Variants in MGAT4C observed in about 807,000 individuals in gnomAD.
The protein encoded by MGAT4C is MGAT4 family member C.
Under a neutral mutation model 40.1 loss-of-function variants are expected in MGAT4C, and 19 were observed. That is an observed-to-expected ratio of 0.47 (90% CI 0.33 to 0.70). MGAT4C has a LOEUF of 0.70. Among genes scored for constraint, MGAT4C ranks in the 30% least tolerant of loss-of-function variants. MGAT4C has a pLI of 0.02. For synonymous variants in MGAT4C, 181 were observed against 187.1 expected, an observed-to-expected ratio of 0.97 and a Z score of 0.27; for missense variants, 491 against 563.2, an observed-to-expected ratio of 0.87 and a Z score of 1.30.
At chr12:86,711,789 CCAGACACA>C (rs1950560277) in intron 2 of MGAT4C, among the ~76,000 whole-genome samples, 1 of 151,966 alleles carries the variant, frequency 6.6e-6, no homozygotes. Context: ...TGTATCAGAG[CCAGACACA>C]CAATTTGAAT....
intron 2 of MGAT4C, among the ~76,000 whole-genome samples, chr12:86,491,058 C>A (rs188555832): frequency 1.3e-5 from 2 of 152,022 alleles, no homozygotes; most frequent in Non-Finnish European, 2.9e-5. Flanking sequence ...CTGCACCAAG[C>A]GGACCTCATA....
chr12:86,195,962 A>T (rs919484699), intron 1 of MGAT4C, among the ~76,000 whole-genome samples: 3 of 152,220 alleles, frequency 2.0e-5, no homozygotes, highest in African/African-American at 4.8e-5. Flanking sequence ...AGACATGTAT[A>T]TAGAAATATA....
At chr12:86,573,658 T>A (rs1401681943) in intron 2 of MGAT4C, among the ~76,000 whole-genome samples, 1 of 152,028 alleles carries the variant, frequency 6.6e-6, no homozygotes, top group African/African-American at 2.4e-5. Flanking sequence ...AAAGAGCTCC[T>A]TGGCAATTAG....
rs1247710685 is a variant in MGAT4C, at chr12:86,510,542, T to C, written c.-228-75277A>G. Among the ~76,000 whole-genome samples, 5 of 152,246 alleles carry C rather than the reference T, an allele frequency of 3.3e-5. No homozygotes were observed. In the East Asian group the frequency reaches 7.7e-4, roughly 24 times the overall value. On this transcript the variant is annotated intron_variant, in intron 2 of 7. Coordinates refer to the MGAT4C transcript ENST00000548651. ...AATGCTCCAATTAAAAGACACAGAC[T>C]GGCAAATTGGATGAAGAGTCAAGAC... is the stretch of plus-strand genomic sequence containing the variant.
At chr12:86,102,981 G>T (rs760944557) in intron 1 of MGAT4C, among the ~76,000 whole-genome samples, 1 of 152,054 alleles carries the variant, frequency 6.6e-6, no homozygotes, top group Non-Finnish European at 1.5e-5. Context: ...ATATAATAAA[G>T]TATTTATAAA....
At position 86,585,777 on chromosome 12, in the gene MGAT4C, T is replaced by A. The variant is rs138777798; in HGVS notation, c.-229+141432A>T. Reference sequence around the variant, plus strand: ...TCTTTTTTTTTTTCATTCCCCCACTTTATTGAAACAATTTTCACTCAACAG... The same window carrying A: ...TCTTTTTTTTTTTCATTCCCCCACTATATTGAAACAATTTTCACTCAACAG... On this transcript the variant is annotated intron_variant, in intron 2 of 7. Coordinates refer to the MGAT4C transcript ENST00000548651. Among the ~76,000 whole-genome samples, 434 of 150,498 alleles carry A rather than the reference T, an allele frequency of 2.9e-3. 2 individuals are homozygous for A. Among genetic ancestry groups the A allele is most frequent in the African/African-American group, 0.01 (415 of 41,206 alleles).
chr12:86,518,533 G>C (rs1592944446), intron 2 of MGAT4C, among the ~76,000 whole-genome samples: 1 of 152,090 alleles, frequency 6.6e-6, no homozygotes. Flanking sequence ...AAATTCAATA[G>C]CAAATATTGA....
chr12:86,186,050 A>C (rs919946904), intron 1 of MGAT4C, among the ~76,000 whole-genome samples: 4 of 152,176 alleles, frequency 2.6e-5, no homozygotes, highest in Admixed American at 2.6e-4. Flanking sequence ...GAAAAGAATG[A>C]AATCATTTAG....
intron 1 of MGAT4C, among the ~76,000 whole-genome samples, chr12:86,203,361 A>T (rs1368836240): frequency 6.6e-6 from 1 of 152,126 alleles, no homozygotes; most frequent in Non-Finnish European, 1.5e-5. Flanking sequence ...TATAGTTTCC[A>T]GTCGGATCTG....
intron 1 of MGAT4C, among the ~76,000 whole-genome samples, chr12:86,818,255 A>G (rs928545867): frequency 6.6e-6 from 1 of 151,386 alleles, no homozygotes; most frequent in Non-Finnish European, 1.5e-5. Context: ...CATCAAGAAC[A>G]TAAAAAATAG....
intron 1 of MGAT4C, among the ~76,000 whole-genome samples, chr12:86,190,637 AT>A (rs1411299160): frequency 6.6e-6 from 1 of 152,012 alleles, no homozygotes; most frequent in African/African-American, 2.4e-5. Context: ...ATATATGGTC[AT>A]TTTTTGAGCT....
chr12:86,632,389 A>G (rs1455375851), intron 2 of MGAT4C, among the ~76,000 whole-genome samples: 1 of 152,204 alleles, frequency 6.6e-6, no homozygotes, highest in Non-Finnish European at 1.5e-5. Flanking sequence ...CATTTGAACC[A>G]GCCATCCCAT....
chr12:86,716,860 T>C (rs996100801), intron 2 of MGAT4C, among the ~76,000 whole-genome samples: 23 of 152,122 alleles, frequency 1.5e-4, no homozygotes, highest in Admixed American at 1.3e-4. Context: ...TAAACAAAAG[T>C]ATGCTAGTTT....
At chr12:86,611,168 A>G (rs1962245960) in intron 2 of MGAT4C, among the ~76,000 whole-genome samples, 1 of 152,134 alleles carries the variant, frequency 6.6e-6, no homozygotes, top group African/African-American at 2.4e-5. Flanking sequence ...ATGGCTGCCA[A>G]ATTTAGAGAA....
intron 2 of MGAT4C, among the ~76,000 whole-genome samples, chr12:86,487,315 T>A (rs1958036426): frequency 6.6e-6 from 1 of 152,204 alleles, no homozygotes; most frequent in African/African-American, 2.4e-5. Context: ...ATACATGTAT[T>A]CTTTCCTTGA....
At chr12:86,730,738 T>A (rs1453612100) in intron 1 of MGAT4C, among the ~76,000 whole-genome samples, 1 of 152,102 alleles carries the variant, frequency 6.6e-6, no homozygotes, top group African/African-American at 2.4e-5. Context: ...GTTCTGCACA[T>A]GACGTGGGTT....
At chr12:85,982,949 CAA>C in intron 4 of MGAT4C, among the ~76,000 whole-genome samples, 1 of 152,218 alleles carries the variant, frequency 6.6e-6, no homozygotes, top group South Asian at 2.1e-4. Context: ...GTACCAGAAG[CAA>C]AGTCACCAGA....
At chr12:86,599,267 G>A (rs1399074001) in intron 2 of MGAT4C, among the ~76,000 whole-genome samples, 1 of 151,966 alleles carries the variant, frequency 6.6e-6, no homozygotes, top group Non-Finnish European at 1.5e-5. Context: ...GATTAAAAAA[G>A]TAAGACATAT....
chr12:86,129,926 C>G (rs1383970233), intron 1 of MGAT4C, among the ~76,000 whole-genome samples: 2 of 152,144 alleles, frequency 1.3e-5, no homozygotes, highest in African/African-American at 4.8e-5. Context: ...CAACATAAAG[C>G]ACATGCACTG....
Sources: gnomAD v4.1 joint callset for allele counts (sites outside exome capture counted in the v4.1 genomes callset) on GRCh38, gnomAD v4.1.1 for gene constraint, MANE v1.5 for transcripts, NCBI Gene and HGNC (gene_info 2026-07-23, HGNC 2026-07-21) for gene names.